NPAS3: variants seen among roughly 807,000 people sequenced by gnomAD.
NPAS3 encodes neuronal PAS domain-containing protein 3.
A neutral mutation model predicts 73.1 loss-of-function variants in NPAS3; 14 were observed. The ratio of observed to expected loss-of-function variants is 0.19; its 90% CI spans 0.13 to 0.30. The LOEUF is 0.30. Ranked by LOEUF, NPAS3 falls within the 10% of genes least tolerant of loss-of-function variation. The pLI, the probability that NPAS3 is intolerant of heterozygous loss-of-function variation, is 1.00. For missense variants in NPAS3, 1,096 were observed against 1,250.0 expected (o/e 0.88, Z 1.86); for synonymous variants, 620 against 541.5 (o/e 1.14, Z -2.01).
At chr14:33,744,974 C>T (rs1273880115) in intron 7 of NPAS3, among the ~76,000 whole-genome samples, 1 of 151,902 alleles carries the variant, frequency 6.6e-6, no homozygotes, top group Non-Finnish European at 1.5e-5. Flanking sequence ...TGTGCAGTGG[C>T]TCACACCTGT....
At chr14:33,129,935 G>A (rs1165600301) in intron 2 of NPAS3, among the ~76,000 whole-genome samples, 1 of 152,114 alleles carries the variant, frequency 6.6e-6, no homozygotes, top group Non-Finnish European at 1.5e-5. Context: ...ACAGTTTCAT[G>A]ATTAAGCAAC....
At chr14:32,946,948 A>C (rs2036287208) in intron 1 of NPAS3, among the ~76,000 whole-genome samples, 1 of 152,220 alleles carries the variant, frequency 6.6e-6, no homozygotes, top group African/African-American at 2.4e-5. Flanking sequence ...TCAGTATGCT[A>C]ATGCAGAATT....
intron 4 of NPAS3, among the ~76,000 whole-genome samples, chr14:33,405,058 A>T (rs2047605156): frequency 6.6e-6 from 1 of 151,860 alleles, no homozygotes; most frequent in African/African-American, 2.4e-5. Context: ...CTTGATTTTG[A>T]CCAGTTGATT....
intron 4 of NPAS3, among the ~76,000 whole-genome samples, chr14:33,407,981 C>T (rs2047743420): frequency 6.6e-6 from 1 of 152,156 alleles, no homozygotes; most frequent in African/African-American, 2.4e-5. Context: ...CAAAAAACAT[C>T]TGACTCAGCC....
chr14:33,266,021 A>T (rs997366672), intron 3 of NPAS3, among the ~76,000 whole-genome samples: 1 of 151,622 alleles, frequency 6.6e-6, no homozygotes. Flanking sequence ...ATATAAATAC[A>T]TATACACACA....
At chr14:33,192,898 C>T (rs1243329594) in intron 2 of NPAS3, among the ~76,000 whole-genome samples, 2 of 152,122 alleles carry the variant, frequency 1.3e-5, no homozygotes, top group Non-Finnish European at 2.9e-5. Flanking sequence ...TAAGTGGCAC[C>T]TTCTGTGTTT....
At chr14:33,659,783 A>G (rs530117173) in intron 5 of NPAS3, among the ~76,000 whole-genome samples, 4 of 152,322 alleles carry the variant, frequency 2.6e-5, no homozygotes, top group East Asian at 1.9e-4. Context: ...GTGACTTGAA[A>G]TTGGGATTCT....
At chr14:33,210,767 TA>T (rs60878624) in intron 2 of NPAS3, among the ~76,000 whole-genome samples, 37,525 of 151,006 alleles carry the variant, frequency 0.25, 5,506 homozygotes, top group East Asian at 0.53. Flanking sequence ...GTTATTGTAC[TA>T]AAAAAAAAGG....
intron 4 of NPAS3, among the ~76,000 whole-genome samples, chr14:33,558,891 T>C (rs1335858144): frequency 6.6e-6 from 1 of 152,102 alleles, no homozygotes; most frequent in Non-Finnish European, 1.5e-5. Context: ...AAACTTTTTT[T>C]CCTGTACAAG....
At chr14:33,735,442 A>G in intron 7 of NPAS3, 110 bp downstream of exon 7, 1 of 737,388 alleles carries the variant, frequency 1.4e-6, no homozygotes, top group Non-Finnish European at 2.4e-6. Context: ...TGTGATCTTG[A>G]GGAGCCCATA....
chr14:33,708,583 A>T (rs1351745057), intron 6 of NPAS3, among the ~76,000 whole-genome samples: 1 of 152,224 alleles, frequency 6.6e-6, no homozygotes. Flanking sequence ...GGCTTTATTC[A>T]GAGTCTTAAC....
intron 2 of NPAS3, among the ~76,000 whole-genome samples, chr14:33,092,442 C>T (rs2042260004): frequency 6.6e-6 from 1 of 152,108 alleles, no homozygotes. Context: ...AGGAGAACTA[C>T]AAACCACTGC....
At position 33,800,367 on chromosome 14, in the gene NPAS3, G is replaced by T. The variant is rs1373154688; in HGVS notation, c.2060G>T (p.Ser687Ile). The change falls in exon 12 of 12, where the codon AGC becomes ATC. Residue 687 changes from serine to isoleucine, a missense_variant. This residue lies in a region of NPAS3 where 698 missense variants were observed against 676.7 expected (regional missense o/e 1.03). Transcript: ENST00000356141. This position sits in a 1 kb window ranked among gnomAD's most constrained non-coding sequence, Gnocchi z 6.5. ...CCCTACAGCATGACCAAGCCCCCCA[G>T]CTCTGAGCACTTCCCGTCCCCGCAG... The T allele has an allele frequency of 3.0e-5, 48 of 1,610,602 alleles. No individual in the cohort carries two copies. The highest frequency in any genetic ancestry group is 4.0e-5 in the Non-Finnish European group (47 of 1,178,918).
In NPAS3 at chr14:33,360,654, C is replaced by A. The variant is rs2045557010; in HGVS notation, c.386-6532C>A. ...CACCCCCCAAAAAAGTACTCTCTTA[C>A]AATCATTGTTCTTCTGGAATAATTA... On this transcript the variant is annotated intron_variant, in intron 3 of 11. Coordinates refer to ENST00000356141, the Ensembl canonical transcript of NPAS3. Among the ~76,000 whole-genome samples the A allele has an allele frequency of 3.3e-5, 5 of 152,172 alleles. No homozygotes were observed. The South Asian group carries it at 1.0e-3, about 31-fold the overall frequency.
intron 5 of NPAS3, among the ~76,000 whole-genome samples, chr14:33,613,525 C>G (rs967793432): frequency 6.6e-6 from 1 of 152,164 alleles, no homozygotes; most frequent in Non-Finnish European, 1.5e-5. Context: ...GGCTTCCCCT[C>G]TCTTCTCTTC....
intron 4 of NPAS3, among the ~76,000 whole-genome samples, chr14:33,400,854 A>T (rs1314521060): frequency 6.6e-6 from 1 of 151,914 alleles, no homozygotes; most frequent in East Asian, 1.9e-4. Flanking sequence ...TTATCCCACC[A>T]AGTATTTCAG....
chr14:33,127,191 G>A (rs78847914), intron 2 of NPAS3, among the ~76,000 whole-genome samples: 4,030 of 151,740 alleles, frequency 0.027, 165 homozygotes, highest in Admixed American at 0.12. Flanking sequence ...TTTTGCCACC[G>A]TTGTCTTGTT....
At chr14:33,647,164 CTAGA>C (rs1182390497) in intron 5 of NPAS3, among the ~76,000 whole-genome samples, 2 of 152,102 alleles carry the variant, frequency 1.3e-5, no homozygotes, top group African/African-American at 4.8e-5. Flanking sequence ...GCTTAATGAA[CTAGA>C]TAGTCTAAGT....
chr14:32,998,045 G>C (rs1419806754), intron 1 of NPAS3, among the ~76,000 whole-genome samples: 1 of 152,136 alleles, frequency 6.6e-6, no homozygotes, highest in Non-Finnish European at 1.5e-5. Context: ...CGAAATATTT[G>C]AAAATGGGTA....
Sources: allele counts gnomAD v4.1 joint callset (sites outside exome capture counted in the v4.1 genomes callset), GRCh38; gene constraint gnomAD v4.1.1; regional missense constraint gnomAD v4.1.1; non-coding constraint Gnocchi (gnomAD v3.1); transcripts MANE v1.5; gene names NCBI Gene and HGNC (gene_info 2026-07-23, HGNC 2026-07-21).